The following ARHGEF3 variants were observed in gnomAD, a reference collection of about 807,000 sequenced individuals.
ARHGEF3 encodes 59.8 kDA protein.
In ARHGEF3, 28 loss-of-function variants were observed where a neutral mutation model predicts 63.2. That is an observed-to-expected ratio of 0.44 (90% CI 0.33 to 0.61). The LOEUF (loss-of-function observed/expected upper bound fraction) is 0.61, where lower values mean the gene tolerates loss of function less well. ARHGEF3 is among the 20% of genes least tolerant of loss of function. ARHGEF3 has a pLI of 0.03. For synonymous variants in ARHGEF3, 266 were observed against 254.2 expected, an observed-to-expected ratio of 1.05 and a Z score of -0.44; for missense variants, 533 against 659.3, an observed-to-expected ratio of 0.81 and a Z score of 2.10.
chr3:56,989,079 C>T (rs1701647938), intron 2 of ARHGEF3, among the ~76,000 whole-genome samples: 1 of 152,152 alleles, frequency 6.6e-6, no homozygotes, highest in Admixed American at 6.5e-5. Flanking sequence ...TGAAGAGTGC[C>T]CTCTGCTGGC....
chr3:56,798,291 T>C (rs967603746), intron 1 of ARHGEF3, among the ~76,000 whole-genome samples: 1 of 152,228 alleles, frequency 6.6e-6, no homozygotes, highest in African/African-American at 2.4e-5. Context: ...TCAAAAGCAA[T>C]GGCTACAAAT....
intron 2 of ARHGEF3, among the ~76,000 whole-genome samples, chr3:57,014,197 G>A (rs144806921): frequency 0.013 from 1,925 of 152,180 alleles, 41 homozygotes; most frequent in African/African-American, 0.044. Context: ...CCCACCAGAA[G>A]GAAAAAACTC....
intron 2 of ARHGEF3, among the ~76,000 whole-genome samples, chr3:57,003,888 C>T (rs1702363382): frequency 6.6e-6 from 1 of 152,200 alleles, no homozygotes; most frequent in Admixed American, 6.5e-5. Context: ...AGCCTGCTGG[C>T]ATCTGGACTC....
At chr3:56,745,621 C>A (rs1232473008) in intron 6 of ARHGEF3, among the ~76,000 whole-genome samples, 159 bp from the exon 7 acceptor site, 2 of 152,170 alleles carry the variant, frequency 1.3e-5, no homozygotes, top group Non-Finnish European at 2.9e-5. Flanking sequence ...GTGGAATCTT[C>A]AACATGGCAG....
chr3:56,820,469 A>G (rs971244457), intron 4 of ARHGEF3, among the ~76,000 whole-genome samples: 2 of 152,078 alleles, frequency 1.3e-5, no homozygotes, highest in African/African-American at 4.8e-5. Flanking sequence ...GGTAAAAAAA[A>G]GGGGGGGACA....
At chr3:56,860,278 C>T (rs867470887) in intron 4 of ARHGEF3, among the ~76,000 whole-genome samples, 8 of 152,020 alleles carry the variant, frequency 5.3e-5, no homozygotes, top group South Asian at 2.1e-4. Flanking sequence ...CCTGGGCTCA[C>T]GTGATCCTCC....
At chr3:56,916,085 C>T (rs547868475) in intron 3 of ARHGEF3, among the ~76,000 whole-genome samples, 8 of 152,292 alleles carry the variant, frequency 5.3e-5, no homozygotes, top group Non-Finnish European at 1.2e-4. Context: ...AAGCCATCTG[C>T]GGTCTTAAAC....
intron 4 of ARHGEF3, among the ~76,000 whole-genome samples, chr3:56,824,302 T>C (rs77529794): frequency 0.095 from 14,516 of 152,274 alleles, 774 homozygotes; most frequent in South Asian, 0.14. Context: ...GTATTTATTT[T>C]GGAGGGGGAA....
intron 1 of ARHGEF3, among the ~76,000 whole-genome samples, chr3:57,039,430 C>T (rs1482382786): frequency 5.9e-5 from 9 of 152,144 alleles, no homozygotes; most frequent in Middle Eastern, 3.2e-3. Context: ...CTCCTAGGTA[C>T]GCACGTGCAC....
chr3:56,924,555 C>T (rs2042230458), intron 3 of ARHGEF3, among the ~76,000 whole-genome samples: 1 of 152,218 alleles, frequency 6.6e-6, no homozygotes, highest in African/African-American at 2.4e-5. Context: ...CCCATTTTTA[C>T]AGTTATTTCT....
At chr3:56,975,331 T>A (rs1488949621) in intron 2 of ARHGEF3, among the ~76,000 whole-genome samples, 1 of 151,946 alleles carries the variant, frequency 6.6e-6, no homozygotes, top group Non-Finnish European at 1.5e-5. Context: ...GGCAGGGGAA[T>A]CGCTTGAACC....
At chr3:56,965,987 T>C (rs1453465090) in intron 2 of ARHGEF3, among the ~76,000 whole-genome samples, 1 of 151,880 alleles carries the variant, frequency 6.6e-6, no homozygotes, top group Admixed American at 6.6e-5. Flanking sequence ...TATAGAACTA[T>C]ATGGTAATAA....
chr3:57,003,887 G>T (rs768653290), intron 2 of ARHGEF3, among the ~76,000 whole-genome samples: 25 of 152,218 alleles, frequency 1.6e-4, no homozygotes, highest in Non-Finnish European at 3.1e-4. Flanking sequence ...AAGCCTGCTG[G>T]CATCTGGACT....
intron 2 of ARHGEF3, chr3:56,977,308 G>C (rs993282751): frequency 4.4e-6 from 2 of 456,600 alleles, no homozygotes; most frequent in African/African-American, 4.0e-5. Flanking sequence ...TCCATCTAAA[G>C]CACAGGGCAG....
intron 4 of ARHGEF3, among the ~76,000 whole-genome samples, chr3:56,847,227 G>C (rs2039521372): frequency 6.6e-6 from 1 of 152,186 alleles, no homozygotes; most frequent in African/African-American, 2.4e-5. Context: ...GGGTAATGTG[G>C]TCTTCCCAGC....
At chr3:56,730,041 G>T (rs1464799320) in intron 9 of ARHGEF3, among the ~76,000 whole-genome samples, 1 of 152,148 alleles carries the variant, frequency 6.6e-6, no homozygotes, top group Non-Finnish European at 1.5e-5. Flanking sequence ...GCAATATAGT[G>T]ACGCCTTTTC....
At chr3:56,982,682 T>G (rs1425698641) in intron 2 of ARHGEF3, among the ~76,000 whole-genome samples, 1 of 152,108 alleles carries the variant, frequency 6.6e-6, no homozygotes, top group African/African-American at 2.4e-5. Context: ...CCAGTATACA[T>G]CCGGTGAATG....
At chr3:56,868,372 T>C (rs1307203110) in intron 4 of ARHGEF3, among the ~76,000 whole-genome samples, 3 of 151,700 alleles carry the variant, frequency 2.0e-5, no homozygotes, top group Admixed American at 6.6e-5. Context: ...TTTTTTTTTT[T>C]TTTCGAGACA....
At chr3:57,054,643 ATTT>A (rs544195887) in intron 1 of ARHGEF3, among the ~76,000 whole-genome samples, 5 of 121,116 alleles carry the variant, frequency 4.1e-5, no homozygotes, top group Non-Finnish European at 7.0e-5. Flanking sequence ...CATCTCAAAA[ATTT>A]TTTTTTTTTT....
Sources: allele counts gnomAD v4.1 joint callset (sites outside exome capture counted in the v4.1 genomes callset), GRCh38; gene constraint gnomAD v4.1.1; transcripts MANE v1.5; gene names NCBI Gene and HGNC (gene_info 2026-07-23, HGNC 2026-07-21).